The following PRKG1 variants were observed in gnomAD, a reference collection of about 807,000 sequenced individuals.
PRKG1 encodes the protein protein kinase cGMP-dependent 1, also known as cGMP-dependent protein kinase 1.
Under a neutral mutation model 88.1 loss-of-function variants are expected in PRKG1, and 35 were observed. The ratio of observed to expected loss-of-function variants is 0.40; its 90% CI spans 0.30 to 0.53. The LOEUF is 0.53. PRKG1 is among the 20% of genes least tolerant of loss of function. The pLI is 0.59. For missense variants in PRKG1, 540 were observed against 839.8 expected (o/e 0.64, Z 4.41); for synonymous variants, 303 against 292.5 (o/e 1.04, Z -0.37).
Position 51,737,733 on chromosome 10 carries a change from AT to A in PRKG1, c.593-66849del, listed in dbSNP as rs1332196718. ...TATTTATTTATTTATTTATTTATTT[AT>A]TTATTAATTATTATTATTATTATTA... On this transcript the variant is annotated intron_variant, in intron 3 of 17. Coordinates refer to ENST00000373980, the MANE Select transcript of PRKG1 (RefSeq NM_006258.4). Among the ~76,000 whole-genome samples the A allele has an allele frequency of 3.9e-3, 413 of 105,420 alleles. 6 individuals carry two copies. Among genetic ancestry groups the A allele is most frequent in the African/African-American group, 0.016 (368 of 22,536 alleles). The allele number at this position is 105,420 out of a possible 152,430, so 69.2% of individuals were successfully genotyped here.
chr10:51,497,477 T>C (rs1840892547), intron 3 of PRKG1, among the ~76,000 whole-genome samples: 1 of 152,192 alleles, frequency 6.6e-6, no homozygotes, highest in Admixed American at 6.5e-5. Flanking sequence ...AATCAGACTA[T>C]TTAATGTGAA....
rs12244115 is a variant in PRKG1, at chr10:51,668,325, G to A, written c.593-136260G>A. On this transcript the variant is annotated intron_variant, in intron 3 of 17. Coordinates refer to ENST00000373980, the MANE Select transcript of PRKG1 (RefSeq NM_006258.4). ...TACCACTTGTTGGAGTTTAGGACTT[G>A]GTAAATTTTTTGTGAGTGTGGAAGA... 6.2e-3 allele frequency among the ~76,000 whole-genome samples: 939 copies of A among 152,198 alleles called. 11 individuals are homozygous for A. The highest frequency in any genetic ancestry group is 0.022 in the African/African-American group (893 of 41,520).
intron 3 of PRKG1, among the ~76,000 whole-genome samples, chr10:51,479,331 T>G (rs1840290489): frequency 6.6e-6 from 1 of 152,074 alleles, no homozygotes; most frequent in African/African-American, 2.4e-5. Flanking sequence ...AAAAGAATAC[T>G]TTGACATTTT....
chr10:52,291,557 T>A (rs1842246585), intron 17 of PRKG1, among the ~76,000 whole-genome samples: 1 of 152,026 alleles, frequency 6.6e-6, no homozygotes, highest in Admixed American at 6.6e-5. Context: ...TCCAATTTCA[T>A]CCACGTCCCT....
At position 51,628,002 on chromosome 10, in the gene PRKG1, CTCTCTCTCTT is replaced by C. The variant is rs1194921640; in HGVS notation, c.592+160170_592+160179del. 6.2e-3 allele frequency among the ~76,000 whole-genome samples: 381 copies of C among 61,352 alleles called. 10 individuals carry two copies. The highest frequency in any genetic ancestry group is 0.01 in the Middle Eastern group (1 of 98). 40.2% of individuals were successfully genotyped at this position (61,352 alleles called of 152,430 possible). A position where few individuals can be genotyped will look rare whatever the true frequency, so the allele number is the denominator to read the frequency against. On this transcript the variant is annotated intron_variant, in intron 3 of 17. Transcript: ENST00000373980. ...TTTCTTTCTTTCTTTCTCTCTCTCT[CTCTCTCTCTT>C]TCTTTCTTTCTTTCTTTCTTTCTTT... is the stretch of plus-strand genomic sequence containing the variant.
At chr10:52,267,494 T>C (rs568244131) in intron 10 of PRKG1, among the ~76,000 whole-genome samples, 4 of 152,184 alleles carry the variant, frequency 2.6e-5, no homozygotes, top group South Asian at 4.1e-4. Context: ...AAGCAAGGTA[T>C]GAGGATTGTT....
intron 3 of PRKG1, among the ~76,000 whole-genome samples, chr10:51,509,788 C>T (rs1236747461): frequency 1.3e-5 from 2 of 152,134 alleles, no homozygotes; most frequent in Admixed American, 1.3e-4. Context: ...AAACCAAAGG[C>T]AAAACAGGTG....
chr10:51,598,019 A>G (rs544753175), intron 3 of PRKG1, among the ~76,000 whole-genome samples: 96 of 152,332 alleles, frequency 6.3e-4, no homozygotes, highest in African/African-American at 2.3e-3. Context: ...GCTAATGATA[A>G]TAACTTGAAC....
At chr10:51,566,408 G>T (rs1192854705) in intron 3 of PRKG1, among the ~76,000 whole-genome samples, 1 of 152,018 alleles carries the variant, frequency 6.6e-6, no homozygotes, top group Non-Finnish European at 1.5e-5. Context: ...TAAACTCATT[G>T]AACAAGCGTT....
chr10:51,200,908 C>T (rs1391340009), intron 2 of PRKG1, among the ~76,000 whole-genome samples: 4 of 152,110 alleles, frequency 2.6e-5, no homozygotes, highest in Non-Finnish European at 4.4e-5. Context: ...GACTACAGCT[C>T]AGAGATTCTC....
intron 4 of PRKG1, among the ~76,000 whole-genome samples, chr10:51,872,475 G>A (rs971164809): frequency 8.5e-5 from 13 of 152,128 alleles, no homozygotes; most frequent in African/African-American, 3.1e-4. Context: ...TGTGCATTCA[G>A]TTCAATAAAC....
intron 2 of PRKG1, among the ~76,000 whole-genome samples, chr10:51,175,696 T>C (rs1837173018): frequency 6.6e-6 from 1 of 152,090 alleles, no homozygotes; most frequent in East Asian, 1.9e-4. Context: ...CATTATACTC[T>C]AGTTGACTGG....
At chr10:51,941,632 T>C (rs974834254) in intron 5 of PRKG1, among the ~76,000 whole-genome samples, 22 of 121,704 alleles carry the variant, frequency 1.8e-4, no homozygotes, top group African/African-American at 6.9e-4. Context: ...GTCCCCAGAG[T>C]GTGATGTTCC....
At chr10:52,006,530 A>G (rs1903982) in intron 5 of PRKG1, among the ~76,000 whole-genome samples, 11,980 of 152,246 alleles carry the variant, frequency 0.079, 776 homozygotes, top group East Asian at 0.32. Context: ...AAAAAATTTC[A>G]GAGCTCAAAG....
intron 3 of PRKG1, among the ~76,000 whole-genome samples, chr10:51,786,309 T>G (rs1305502608): frequency 6.6e-6 from 1 of 152,118 alleles, no homozygotes; most frequent in African/African-American, 2.4e-5. Context: ...TTTAGGAGTG[T>G]GTGGCCTTGA....
chr10:51,985,244 T>G (rs943508898), intron 5 of PRKG1, among the ~76,000 whole-genome samples: 1 of 152,196 alleles, frequency 6.6e-6, no homozygotes, highest in African/African-American at 2.4e-5. Flanking sequence ...GGAGCAAAAG[T>G]GCTTATGGAT....
At chr10:51,939,681 C>G (rs1323771483) in intron 5 of PRKG1, among the ~76,000 whole-genome samples, 1 of 151,474 alleles carries the variant, frequency 6.6e-6, no homozygotes, top group Non-Finnish European at 1.5e-5. Context: ...CTGGTAAGTA[C>G]TTTAGGGAGT....
rs143803818 is a variant in PRKG1 at position 51,470,691 on chromosome 10, A to G, written c.592+2855A>G. Among the ~76,000 whole-genome samples, 763 of 152,030 alleles carry G rather than the reference A, an allele frequency of 5.0e-3. 6 individuals carry two copies. The highest frequency in any genetic ancestry group is 0.018 in the African/African-American group (727 of 41,542). On this transcript the variant is annotated intron_variant, in intron 3 of 17. Transcript: ENST00000373980. ...TACATTTCAGTGACTTCATCAGCTAATGAATATGATCAGTACACCTGTGGA... is the reference window on the plus strand; with the variant it reads ...TACATTTCAGTGACTTCATCAGCTAGTGAATATGATCAGTACACCTGTGGA...
At chr10:51,241,697 G>A (rs1839157232) in intron 2 of PRKG1, among the ~76,000 whole-genome samples, 1 of 152,042 alleles carries the variant, frequency 6.6e-6, no homozygotes. Flanking sequence ...TACTCTTTCT[G>A]CCAAAGTCTC....
Sources: allele counts gnomAD v4.1 joint callset (sites outside exome capture counted in the v4.1 genomes callset), GRCh38; gene constraint gnomAD v4.1.1; transcripts MANE v1.5; gene names NCBI Gene and HGNC (gene_info 2026-07-23, HGNC 2026-07-21).